The following PHACTR1 variants were observed in gnomAD, a reference collection of about 807,000 sequenced individuals.
PHACTR1 encodes the protein phosphatase and actin regulator 1, also known as RPEL repeat containing 1.
A neutral mutation model predicts 69.2 loss-of-function variants in PHACTR1; 16 were observed. That is an observed-to-expected ratio of 0.23 (90% CI 0.16 to 0.35). The LOEUF is 0.35. Among genes scored for constraint, PHACTR1 ranks in the 10% least tolerant of loss-of-function variants. The pLI is 1.00. For synonymous variants in PHACTR1, 312 were observed against 284.5 expected (o/e 1.10, Z -0.97); for missense variants, 510 against 734.7 (o/e 0.69, Z 3.54).
intron 5 of PHACTR1, among the ~76,000 whole-genome samples, chr6:13,083,852 T>C (rs1811818550): frequency 6.6e-6 from 1 of 152,082 alleles, no homozygotes; most frequent in Non-Finnish European, 1.5e-5. Flanking sequence ...TGGGCTGAGA[T>C]GATGGGGTTT....
chr6:13,249,855 T>C (rs1053587032), intron 10 of PHACTR1, among the ~76,000 whole-genome samples: 9 of 151,928 alleles, frequency 5.9e-5, no homozygotes, highest in East Asian at 5.8e-4. Flanking sequence ...TCATTTTTCA[T>C]TGGGAAACCA....
At chr6:12,954,889 A>G (rs1791695088) in intron 4 of PHACTR1, among the ~76,000 whole-genome samples, 3 of 152,256 alleles carry the variant, frequency 2.0e-5, no homozygotes, top group Non-Finnish European at 4.4e-5. Flanking sequence ...ATGGCCATAT[A>G]TAATCCAGGG....
intron 4 of PHACTR1, among the ~76,000 whole-genome samples, chr6:12,865,590 G>A (rs1305332270): frequency 2.0e-5 from 3 of 152,144 alleles, no homozygotes; most frequent in Non-Finnish European, 4.4e-5. Flanking sequence ...TATAGGCAGT[G>A]GCGTGCTCAG....
chr6:12,762,558 ACCT>A (rs1436030298), intron 4 of PHACTR1, among the ~76,000 whole-genome samples: 12 of 152,246 alleles, frequency 7.9e-5, no homozygotes, highest in African/African-American at 2.6e-4. Context: ...TTTTCTTTTA[ACCT>A]ATCACGTAAG....
At chr6:12,971,595 TA>T (rs1430148890) in intron 4 of PHACTR1, among the ~76,000 whole-genome samples, 2 of 152,186 alleles carry the variant, frequency 1.3e-5, no homozygotes, top group Admixed American at 1.3e-4. Context: ...GATGAGTAGT[TA>T]CTGAGGGGTA....
intron 4 of PHACTR1, among the ~76,000 whole-genome samples, chr6:12,931,979 T>G (rs1788925259): frequency 6.6e-6 from 1 of 151,882 alleles, no homozygotes; most frequent in African/African-American, 2.4e-5. Flanking sequence ...ACCAGCTGTA[T>G]CAGCATCATC....
At chr6:13,269,759 G>A (rs573645400) in intron 10 of PHACTR1, among the ~76,000 whole-genome samples, 4 of 152,240 alleles carry the variant, frequency 2.6e-5, no homozygotes, top group South Asian at 2.1e-4. Flanking sequence ...GCTTGAACCC[G>A]AGAGGCAGAG....
In PHACTR1 at chr6:12,753,961, TATATATA is replaced by T. The variant is rs1185919027; in HGVS notation, c.250+4172_250+4178del. On this transcript the variant is annotated intron_variant, in intron 4 of 14. Transcript: ENST00000332995. ...AGTTGTAAATATATATATATATATA[TATATATA>T]TATTTTTTTTTTGAGACAGAGTCTC... is the stretch of plus-strand genomic sequence containing the variant. Among the ~76,000 whole-genome samples, 261 of 119,772 alleles carry T rather than the reference TATATATA, an allele frequency of 2.2e-3. 2 individuals carry two copies. The highest frequency in any genetic ancestry group is 6.7e-3 in the African/African-American group (226 of 33,762). The allele number at this position is 119,772 out of a possible 152,430, so 78.6% of individuals were successfully genotyped here.
chr6:12,895,494 T>A (rs151221587), intron 4 of PHACTR1, among the ~76,000 whole-genome samples: 23 of 152,270 alleles, frequency 1.5e-4, no homozygotes, highest in Non-Finnish European at 3.1e-4. Flanking sequence ...ATTCTTTCTA[T>A]TTTTACTGTT....
At chr6:12,963,481 A>G (rs1793025094) in intron 4 of PHACTR1, among the ~76,000 whole-genome samples, 1 of 151,930 alleles carries the variant, frequency 6.6e-6, no homozygotes, top group South Asian at 2.1e-4. Context: ...CCAACTGACG[A>G]TGGTGAAAAA....
At chr6:12,934,342 A>G (rs568374215) in intron 4 of PHACTR1, among the ~76,000 whole-genome samples, 1 of 152,202 alleles carries the variant, frequency 6.6e-6, no homozygotes, top group Non-Finnish European at 1.5e-5. Flanking sequence ...TAAAGACGCT[A>G]TTTCCAAATA....
chr6:12,783,734 G>A (rs1771124080), intron 4 of PHACTR1, among the ~76,000 whole-genome samples: 1 of 152,156 alleles, frequency 6.6e-6, no homozygotes, highest in African/African-American at 2.4e-5. Context: ...GAAATTAAAG[G>A]TTAGCAGGCT....
intron 4 of PHACTR1, among the ~76,000 whole-genome samples, chr6:12,808,481 T>C (rs148039703): frequency 7.2e-5 from 11 of 152,110 alleles, no homozygotes; most frequent in African/African-American, 2.4e-4. Flanking sequence ...GGAATTGGGG[T>C]AATTAAAAGA....
At chr6:13,092,508 T>A (rs919505405) in intron 5 of PHACTR1, among the ~76,000 whole-genome samples, 1 of 152,196 alleles carries the variant, frequency 6.6e-6, no homozygotes, top group African/African-American at 2.4e-5. Flanking sequence ...AATCCTTCTG[T>A]GGACTGGGGA....
At chr6:13,202,934 A>G (rs961915034) in intron 7 of PHACTR1, among the ~76,000 whole-genome samples, 1 of 152,258 alleles carries the variant, frequency 6.6e-6, no homozygotes, top group African/African-American at 2.4e-5. Context: ...GAGGGGTCAC[A>G]ATGAACAGGA....
intron 5 of PHACTR1, among the ~76,000 whole-genome samples, chr6:13,101,721 G>A (rs946366431): frequency 2.0e-5 from 3 of 152,196 alleles, no homozygotes; most frequent in Non-Finnish European, 2.9e-5. Context: ...CCAGCAAAAA[G>A]TATGTTGCCA....
At chr6:13,202,275 G>C (rs745558545) in intron 7 of PHACTR1, among the ~76,000 whole-genome samples, 7 of 152,182 alleles carry the variant, frequency 4.6e-5, no homozygotes, top group Admixed American at 2.0e-4. Context: ...TGATTAACAA[G>C]ATGGGCAGAA....
chr6:13,184,723 T>C, intron 7 of PHACTR1: 3 of 1,179,146 alleles, frequency 2.5e-6, no homozygotes, highest in Non-Finnish European at 3.5e-6. Context: ...CGAGTCCCTG[T>C]CCTGTGTTCC....
At chr6:12,957,929 T>A in intron 4 of PHACTR1, 2 of 984,788 alleles carry the variant, frequency 2.0e-6, no homozygotes, top group Non-Finnish European at 2.4e-6. Flanking sequence ...AGCCCGACAC[T>A]TGAGGAGACT....
Sources: allele counts gnomAD v4.1 joint callset (sites outside exome capture counted in the v4.1 genomes callset), GRCh38; gene constraint gnomAD v4.1.1; transcripts MANE v1.5; gene names NCBI Gene and HGNC (gene_info 2026-07-23, HGNC 2026-07-21).